The following IGFBP5 variants were observed in gnomAD, a reference collection of about 807,000 sequenced individuals.
IGFBP5 encodes the protein insulin-like growth factor-binding protein 5.
In IGFBP5, 12 loss-of-function variants were observed where a neutral mutation model predicts 28.0. That is an observed-to-expected ratio of 0.43 (90% CI 0.27 to 0.69). IGFBP5 has a LOEUF of 0.69. Ranked by LOEUF, IGFBP5 falls within the 30% of genes least tolerant of loss-of-function variation. The pLI, the probability that IGFBP5 is intolerant of heterozygous loss-of-function variation, is 0.20. For missense variants in IGFBP5, 344 were observed against 381.6 expected, an observed-to-expected ratio of 0.90 and a Z score of 0.82; for synonymous variants, 152 against 150.2, an observed-to-expected ratio of 1.01 and a Z score of -0.09.
intron 1 of IGFBP5, among the ~76,000 whole-genome samples, chr2:216,685,253 C>G (rs11575160): frequency 6.6e-6 from 1 of 150,982 alleles, no homozygotes; most frequent in Non-Finnish European, 1.5e-5. Context: ...TACATTCCCC[C>G]CTGGGCAATA....
At chr2:216,690,112 A>G (rs1358229865) in intron 1 of IGFBP5, among the ~76,000 whole-genome samples, 3 of 152,112 alleles carry the variant, frequency 2.0e-5, no homozygotes, top group Non-Finnish European at 2.9e-5. Context: ...TTATTTTATT[A>G]TTTATTTTTG....
chr2:216,687,715 G>A (rs1182445139), intron 1 of IGFBP5, among the ~76,000 whole-genome samples: 1 of 152,158 alleles, frequency 6.6e-6, no homozygotes, highest in Non-Finnish European at 1.5e-5. Context: ...GGGGATAGGT[G>A]GGGAGCAGCC....
At position 216,675,688 on chromosome 2, in the gene IGFBP5, A is replaced by G. The variant is rs1362049904; in HGVS notation, c.*1063T>C. ...TGAGGAAGCTCCTCAATGCCCCTAT[A>G]GGAACTACTTTGAAAAGTTAATGCA... On this transcript the variant is annotated 3_prime_UTR_variant, in exon 4 of 4. Coordinates refer to ENST00000233813, the MANE Select transcript of IGFBP5 (RefSeq NM_000599.4). 1 of 152,196 alleles carries G rather than the reference A, an allele frequency of 6.6e-6. No individual in the cohort carries two copies. Among genetic ancestry groups the G allele is most frequent in the Admixed American group, 6.5e-5 (1 of 15,274 alleles). The allele number at this position is 152,196 out of a possible 1,614,324, so 9.4% of individuals were successfully genotyped here.
rs1046660209 is a variant in IGFBP5, at chr2:216,694,647, C to G, written c.129G>C (p.Leu43=). Reference sequence around the variant, plus strand: ...CCGGCTCCTTGACCAGCTCGCAGCCCAGGGGGCTGGGGGGGCACATGGAGA... The same window carrying G: ...CCGGCTCCTTGACCAGCTCGCAGCCGAGGGGGCTGGGGGGGCACATGGAGA... ...KALSMCPPSP[L]GCELVKEPGC... The change falls in exon 1 of 4, where the codon CTG becomes CTC. Residue 43 remains leucine, a synonymous_variant. Transcript: ENST00000233813. The surrounding 1 kb of genome is among the most constrained non-coding windows in gnomAD (Gnocchi z 5.2). The G allele has an allele frequency of 6.5e-7, 1 of 1,530,994 alleles. No individual in the cohort carries two copies. The highest frequency in any genetic ancestry group is 8.8e-7 in the Non-Finnish European group (1 of 1,142,472). 94.8% of individuals were successfully genotyped at this position (1,530,994 alleles called of 1,614,324 possible).
In IGFBP5 at chr2:216,678,686, T is replaced by C. The variant is rs1019610995; in HGVS notation, c.567+164A>G. 4.8e-6 allele frequency: 3 copies of C among 623,622 alleles called. No individual in the cohort carries two copies. The East Asian group carries it at 8.2e-5, about 17-fold the overall frequency. The allele number at this position is 623,622 out of a possible 1,614,324, so 38.6% of individuals were successfully genotyped here. On this transcript the variant is annotated intron_variant, in intron 2 of 3. Coordinates refer to ENST00000233813, the MANE Select transcript of IGFBP5 (RefSeq NM_000599.4). ...TGCACAAGCCCTTGGCCCTGACAAGTGTATGCTCTGGAAACTCTACTCCCA... is the reference window on the plus strand; with the variant it reads ...TGCACAAGCCCTTGGCCCTGACAAGCGTATGCTCTGGAAACTCTACTCCCA...
rs59144401 is a variant in IGFBP5 at position 216,692,362 on chromosome 2, C to CGT, written c.337+2075_337+2076dup. Reference sequence around the variant, plus strand: ...GGGATCTTGCTTGGGACTGAAGTGTCGTGTGTGTGTGTGTGTGTGTGTGTG... The same window carrying CGT: ...GGGATCTTGCTTGGGACTGAAGTGTCGTGTGTGTGTGTGTGTGTGTGTGTGTG... On this transcript the variant is annotated intron_variant, in intron 1 of 3. Coordinates refer to ENST00000233813, the MANE Select transcript of IGFBP5 (RefSeq NM_000599.4). The surrounding 1 kb of genome is among the most constrained non-coding windows in gnomAD (Gnocchi z 4.2). Among the ~76,000 whole-genome samples, 18,467 of 142,246 alleles carry CGT rather than the reference C, an allele frequency of 0.13. 1,239 individuals carry two copies. The highest frequency in any genetic ancestry group is 0.17 in the African/African-American group (6,469 of 38,638). 93.3% of individuals were successfully genotyped at this position (142,246 alleles called of 152,430 possible). A position where few individuals can be genotyped will look rare whatever the true frequency, so the allele number is the denominator to read the frequency against.
intron 2 of IGFBP5, chr2:216,678,641 C>T (rs1008901190): frequency 7.7e-5 from 46 of 593,702 alleles, no homozygotes; most frequent in African/African-American, 1.1e-4. Context: ...AAATGAGCAC[C>T]GCCTCTATTC....
chr2:216,687,953 T>C (rs930335130), intron 1 of IGFBP5, among the ~76,000 whole-genome samples: 12 of 152,262 alleles, frequency 7.9e-5, no homozygotes, highest in African/African-American at 2.9e-4. Flanking sequence ...CAACGAAAGC[T>C]GAGACTCCCC....
rs1286213657 is a variant in IGFBP5, at chr2:216,692,464, A to G, written c.337+1975T>C. The stretch of plus-strand genomic sequence containing the variant: ...CGTGCGCTCTGCGTGTACACCCTTC[A>G]CACTAGCCACATCACACTACACGCT... On this transcript the variant is annotated intron_variant, in intron 1 of 3. Transcript: ENST00000233813. This position sits in a 1 kb window ranked among gnomAD's most constrained non-coding sequence, Gnocchi z 4.2. Among the ~76,000 whole-genome samples, 2 of 151,526 alleles carry G rather than the reference A, an allele frequency of 1.3e-5. No individual in the cohort carries two copies. The highest frequency in any genetic ancestry group is 4.9e-5 in the African/African-American group (2 of 41,226).
rs1459846850 is a variant in IGFBP5, at chr2:216,676,094, T to C, written c.*657A>G. 3 of 152,668 alleles carry C rather than the reference T, an allele frequency of 2.0e-5. No individual in the cohort carries two copies. Among genetic ancestry groups the C allele is most frequent in the Admixed American group, 1.3e-4 (2 of 15,282 alleles). 9.5% of individuals were successfully genotyped at this position (152,668 alleles called of 1,614,324 possible). ...GCTTTCAGAGGAATGGAATGCATTT[T>C]AGTTTTTATAAATTTGGGGAGAGAC... On this transcript the variant is annotated 3_prime_UTR_variant, in exon 4 of 4. Coordinates refer to ENST00000233813, the MANE Select transcript of IGFBP5 (RefSeq NM_000599.4).
Position 216,679,189 on chromosome 2 carries a change from G to A in IGFBP5, c.338-110C>T, listed in dbSNP as rs1688941075. ...GGGAGTAATAAAGGCTGAAGCAGAT[G>A]TGTCTCTGCCCTCCTGGAGCACACC... On this transcript the variant is annotated intron_variant, in intron 1 of 3. Transcript: ENST00000233813. The surrounding 1 kb of genome is among the most constrained non-coding windows in gnomAD (Gnocchi z 4.6). 1 of 784,222 alleles carries A rather than the reference G, an allele frequency of 1.3e-6. No individual in the cohort carries two copies. The highest frequency in any genetic ancestry group is 1.7e-5 in the African/African-American group (1 of 58,766). The allele number at this position is 784,222 out of a possible 1,614,324, so 48.6% of individuals were successfully genotyped here. A position where few individuals can be genotyped will look rare whatever the true frequency, so the allele number is the denominator to read the frequency against.
At chr2:216,681,904 A>G (rs1422885499) in intron 1 of IGFBP5, among the ~76,000 whole-genome samples, 1 of 152,160 alleles carries the variant, frequency 6.6e-6, no homozygotes, top group East Asian at 1.9e-4. Flanking sequence ...GCTGTTGACA[A>G]CGGTTTGATA....
rs1267595885 is a variant in IGFBP5 at position 216,673,857 on chromosome 2, A to C, written c.*2894T>G. The C allele has an allele frequency of 6.6e-6, 1 of 152,426 alleles. No homozygotes were observed. The highest frequency in any genetic ancestry group is 1.5e-5 in the Non-Finnish European group (1 of 68,064). 9.4% of individuals were successfully genotyped at this position (152,426 alleles called of 1,614,324 possible). A position where few individuals can be genotyped will look rare whatever the true frequency, so the allele number is the denominator to read the frequency against. ...TTGGGAGGCTTAGTTCCATGTGTCC[A>C]TGAAGGCCCAGCTTCTCTGGGGAGT... On this transcript the variant is annotated 3_prime_UTR_variant, in exon 4 of 4. Transcript: ENST00000233813. This position sits in a 1 kb window ranked among gnomAD's most constrained non-coding sequence, Gnocchi z 4.3.
rs1689147765 is a variant in IGFBP5 at position 216,694,748 on chromosome 2, G to A, written c.28C>T (p.Leu10=). ...GCCGGCCCCGCATAGGCGGCCAGCA[G>A]CAGGAGGACCGCGGTGAGCAACACC... The part of the protein sequence containing the change: MVLLTAVLL[L]LAAYAGPAQS... The change falls in exon 1 of 4, where the codon CTG becomes TTG. Residue 10 remains leucine, a synonymous_variant. Transcript: ENST00000233813. This position sits in a 1 kb window ranked among gnomAD's most constrained non-coding sequence, Gnocchi z 5.2. The A allele has an allele frequency of 2.1e-6, 3 of 1,438,152 alleles. No individual in the cohort carries two copies. Among genetic ancestry groups the A allele is most frequent in the Non-Finnish European group, 2.7e-6 (3 of 1,100,018 alleles). The allele number at this position is 1,438,152 out of a possible 1,614,324, so 89.1% of individuals were successfully genotyped here.
intron 3 of IGFBP5, 144 bp from the exon 4 acceptor site, chr2:216,677,026 G>A (rs1449842756): frequency 1.7e-5 from 14 of 819,464 alleles, no homozygotes; most frequent in African/African-American, 3.6e-5. Flanking sequence ...GGTTTCTGGT[G>A]TCCCCATTTC....
chr2:216,683,144 C>A (rs567322045), intron 1 of IGFBP5, among the ~76,000 whole-genome samples: 2 of 152,216 alleles, frequency 1.3e-5, no homozygotes, highest in African/African-American at 4.8e-5. Context: ...CATAGTGAAA[C>A]CCCGTCTCTA....
rs201801158 is a variant in IGFBP5, at chr2:216,678,950, C to T, written c.467G>A (p.Arg156His). 64 of 1,614,048 alleles carry T rather than the reference C, an allele frequency of 4.0e-5. No homozygotes were observed. Among genetic ancestry groups the T allele is most frequent in the Middle Eastern group, 1.6e-4 (1 of 6,084 alleles). Reference protein sequence around the residue: ...ELKAEAVKKDRRKKLTQSKFV... With the variant: ...ELKAEAVKKDHRKKLTQSKFV... ...CTTGGACTGGGTCAGCTTCTTTCTG[C>T]GGTCCTTCTTCACTGCTTCAGCCTT... is the stretch of plus-strand genomic sequence containing the variant. Residue 156 changes from arginine to histidine, a missense_variant, in exon 2 of 4, where the codon CGC becomes CAC. Physicochemically the swap from Arg to His is conservative, Grantham distance 29 (BLOSUM62 0). This residue lies in a region of IGFBP5 where 304 missense variants were observed against 329.2 expected (regional missense o/e 0.92). Coordinates refer to ENST00000233813, the MANE Select transcript of IGFBP5 (RefSeq NM_000599.4).
chr2:216,680,707 T>C (rs1688968896), intron 1 of IGFBP5, among the ~76,000 whole-genome samples: 1 of 152,152 alleles, frequency 6.6e-6, no homozygotes, highest in Non-Finnish European at 1.5e-5. Flanking sequence ...GGTGGTGAGT[T>C]GCTTTGGGTA....
rs1482858966 is a variant in IGFBP5, at chr2:216,692,402, T to TGTGTGTGA, written c.337+2036_337+2037insTCACACAC. ...GTGTGTGTGTGTGTGTGTGTGTGTG[T>TGTGTGTGA]GATGCGCCCTCCGTGCTCGCCTAGC... On this transcript the variant is annotated intron_variant, in intron 1 of 3. Transcript: ENST00000233813. This position sits in a 1 kb window ranked among gnomAD's most constrained non-coding sequence, Gnocchi z 4.2. 1.3e-5 allele frequency among the ~76,000 whole-genome samples: 2 copies of TGTGTGTGA among 149,116 alleles called. No homozygotes were observed. The highest frequency in any genetic ancestry group is 5.0e-5 in the African/African-American group (2 of 40,098).
Sources: gnomAD v4.1 joint callset for allele counts (sites outside exome capture counted in the v4.1 genomes callset) on GRCh38, gnomAD v4.1.1 for gene constraint, gnomAD v4.1.1 regional missense constraint, Gnocchi (gnomAD v3.1) non-coding constraint, MANE v1.5 for transcripts, NCBI Gene and HGNC (gene_info 2026-07-23, HGNC 2026-07-21) for gene names.